The following WWOX variants were observed in gnomAD, a reference collection of about 807,000 sequenced individuals.
The protein encoded by WWOX is WW domain-containing oxidoreductase.
Under a neutral mutation model 46.2 loss-of-function variants are expected in WWOX, and 69 were observed. The observed-to-expected ratio is 1.49, with a 90% CI of 1.23 to 1.82. WWOX has a LOEUF of 1.82. Among genes scored for constraint, WWOX ranks in the 40% most tolerant of loss-of-function variants. WWOX has a pLI of 0.00. For synonymous variants in WWOX, 359 were observed against 202.6 expected (o/e 1.77, Z -6.56); for missense variants, 919 against 542.6 (o/e 1.69, Z -6.89).
chr16:78,937,374 G>A (rs1227306190), intron 8 of WWOX, among the ~76,000 whole-genome samples: 1 of 148,460 alleles, frequency 6.7e-6, no homozygotes, highest in African/African-American at 2.5e-5. Flanking sequence ...TTTTCTTTGA[G>A]TATGTGTTTT....
chr16:78,572,859 T>A (rs2044752860), intron 8 of WWOX, among the ~76,000 whole-genome samples: 1 of 152,122 alleles, frequency 6.6e-6, no homozygotes, highest in Non-Finnish European at 1.5e-5. Context: ...AAGTTCTGTT[T>A]CTTAAAATGA....
chr16:78,204,123 A>G (rs1445479225), intron 5 of WWOX, among the ~76,000 whole-genome samples: 1 of 152,236 alleles, frequency 6.6e-6, no homozygotes, highest in African/African-American at 2.4e-5. Flanking sequence ...ACCTGTAGCA[A>G]GAGCATGTCT....
chr16:78,566,329 A>G lies in WWOX; in HGVS notation c.1056+133577A>G, dbSNP rs534879073. 3.3e-5 allele frequency among the ~76,000 whole-genome samples: 5 copies of G among 152,306 alleles called. No individual in the cohort carries two copies. The East Asian group carries it at 5.8e-4, about 18-fold the overall frequency. On this transcript the variant is annotated intron_variant, in intron 8 of 8. Transcript: ENST00000566780. The stretch of plus-strand genomic sequence containing the variant: ...CACATACATTTAGTCCATAACAACT[A>G]TCTCACTTACCTCTCTACTAAGTGA...
chr16:78,979,988 T>G (rs765496588), intron 8 of WWOX, among the ~76,000 whole-genome samples: 1 of 151,982 alleles, frequency 6.6e-6, no homozygotes, highest in Non-Finnish European at 1.5e-5. Flanking sequence ...ATTAGCTGGG[T>G]GTGTTGGTGG....
chr16:78,616,800 C>G (rs146434564), intron 8 of WWOX, among the ~76,000 whole-genome samples: 14 of 152,094 alleles, frequency 9.2e-5, no homozygotes, highest in African/African-American at 3.1e-4. Context: ...TAAAAGGGCA[C>G]TAACCCTACT....
chr16:78,449,784 T>C (rs1048621739), intron 8 of WWOX, among the ~76,000 whole-genome samples: 2 of 152,224 alleles, frequency 1.3e-5, no homozygotes, highest in African/African-American at 4.8e-5. Flanking sequence ...TTTGCTTTCA[T>C]GTTGCTTTAG....
rs1555539374 is a variant in WWOX, at chr16:78,127,529, A to AC, written c.409+12377dup. Among the ~76,000 whole-genome samples, 151 of 150,840 alleles carry AC rather than the reference A, an allele frequency of 1.0e-3. 2 individuals are homozygous for AC. The highest frequency in any genetic ancestry group is 3.6e-3 in the African/African-American group (146 of 40,962). On this transcript the variant is annotated intron_variant, in intron 4 of 8. Transcript: ENST00000566780. The stretch of plus-strand genomic sequence containing the variant: ...GAATAATCAACGGAAAAAAAAAAAA[A>AC]CCACCGAGACGAGGTTATTTTTGTT...
At chr16:79,188,736 C>T (rs1485659297) in intron 8 of WWOX, among the ~76,000 whole-genome samples, 2 of 152,186 alleles carry the variant, frequency 1.3e-5, no homozygotes, top group African/African-American at 4.8e-5. Context: ...AGCGAATTGC[C>T]ACCTTTATTT....
chr16:79,198,600 G>T (rs529423649), intron 8 of WWOX, among the ~76,000 whole-genome samples: 1 of 152,284 alleles, frequency 6.6e-6, no homozygotes, highest in South Asian at 2.1e-4. Flanking sequence ...CATTGTGAGT[G>T]TCTGATTTCT....
intron 8 of WWOX, among the ~76,000 whole-genome samples, chr16:78,635,720 C>G (rs2046550955): frequency 6.6e-6 from 1 of 152,166 alleles, no homozygotes; most frequent in Non-Finnish European, 1.5e-5. Flanking sequence ...TCTCCGTCCA[C>G]ATCAATGTCG....
chr16:78,366,443 G>C (rs879733425), intron 5 of WWOX, among the ~76,000 whole-genome samples: 3 of 152,108 alleles, frequency 2.0e-5, no homozygotes, highest in Admixed American at 1.3e-4. Context: ...CTAAGGAATG[G>C]CATGACATTC....
At chr16:78,478,649 T>G (rs2084412123) in intron 8 of WWOX, among the ~76,000 whole-genome samples, 1 of 152,120 alleles carries the variant, frequency 6.6e-6, no homozygotes, top group African/African-American at 2.4e-5. Context: ...AGGGTGCCGT[T>G]GAGTTACTGG....
chr16:78,770,310 C>T (rs965425673), intron 8 of WWOX, among the ~76,000 whole-genome samples: 1 of 152,032 alleles, frequency 6.6e-6, no homozygotes, highest in Non-Finnish European at 1.5e-5. Context: ...TAGATTGCAC[C>T]ACTGTACTCC....
At chr16:78,338,507 A>T (rs1159799152) in intron 5 of WWOX, among the ~76,000 whole-genome samples, 1 of 121,858 alleles carries the variant, frequency 8.2e-6, no homozygotes, top group Admixed American at 8.0e-5. Flanking sequence ...CACATAAAAT[A>T]TTCTTACAGA....
chr16:78,201,629 T>C (rs977923966), intron 5 of WWOX, among the ~76,000 whole-genome samples: 1 of 152,164 alleles, frequency 6.6e-6, no homozygotes, highest in Non-Finnish European at 1.5e-5. Flanking sequence ...AGCTCATCTT[T>C]ACCCCTCTCC....
At chr16:79,038,652 C>A (rs1350227628) in intron 8 of WWOX, among the ~76,000 whole-genome samples, 2 of 152,134 alleles carry the variant, frequency 1.3e-5, no homozygotes, top group East Asian at 3.9e-4. Flanking sequence ...CAGATTCAAG[C>A]AATTTTCCTG....
At chr16:79,107,940 T>C (rs2049342946) in intron 8 of WWOX, among the ~76,000 whole-genome samples, 1 of 152,240 alleles carries the variant, frequency 6.6e-6, no homozygotes, top group African/African-American at 2.4e-5. Flanking sequence ...GAAGTCGTCA[T>C]AGAATAAAAT....
intron 8 of WWOX, among the ~76,000 whole-genome samples, chr16:78,795,306 G>A (rs2050708243): frequency 6.6e-6 from 1 of 152,134 alleles, no homozygotes; most frequent in South Asian, 2.1e-4. Flanking sequence ...TAAGTAGAGG[G>A]TAGATTTTAA....
At position 78,271,423 on chromosome 16, in the gene WWOX, C is replaced by G. The variant is rs533535478; in HGVS notation, c.516+107134C>G. Among the ~76,000 whole-genome samples, 5 of 152,322 alleles carry G rather than the reference C, an allele frequency of 3.3e-5. No individual in the cohort carries two copies. In the South Asian group the frequency reaches 1.0e-3, roughly 32 times the overall value. On this transcript the variant is annotated intron_variant, in intron 5 of 8. Coordinates refer to ENST00000566780, the MANE Select transcript of WWOX (RefSeq NM_016373.4). ...TGTTACATCCTACAAGCGTGCTTAC[C>G]TGCATCACCTTGCTGGGCTGTTTCA...
Sources: allele counts gnomAD v4.1 joint callset (sites outside exome capture counted in the v4.1 genomes callset), GRCh38; gene constraint gnomAD v4.1.1; transcripts MANE v1.5; gene names NCBI Gene and HGNC (gene_info 2026-07-23, HGNC 2026-07-21).